MBP: variants seen among roughly 807,000 people sequenced by gnomAD.
MBP encodes Golli-MBP.
A neutral mutation model predicts 35.8 loss-of-function variants in MBP; 16 were observed. That is an observed-to-expected ratio of 0.45 (90% CI 0.30 to 0.68). The LOEUF is 0.68. Ranked by LOEUF, MBP falls within the 30% of genes least tolerant of loss-of-function variation. The probability of loss-of-function intolerance (pLI) is 0.08; values close to 1 mark genes in which losing one functional copy is unlikely to be tolerated. For missense variants in MBP, 380 were observed against 404.7 expected (o/e 0.94, Z 0.52); for synonymous variants, 143 against 159.6 (o/e 0.90, Z 0.78).
intron 4 of MBP, chr18:76,991,062 T>A: frequency 5.8e-6 from 1 of 172,436 alleles, no homozygotes; most frequent in Non-Finnish European, 1.3e-5. Context: ...GCTCGGGAAA[T>A]ACACACAGAA....
intron 3 of MBP, 59 bp downstream of exon 3, chr18:77,066,239 G>A (rs1199807020): frequency 4.8e-6 from 6 of 1,251,312 alleles, no homozygotes; most frequent in Admixed American, 1.8e-5. Flanking sequence ...CCCCGAGTGA[G>A]AGTGCAGGTG....
chr18:77,081,038 T>C (rs545332824), intron 2 of MBP, among the ~76,000 whole-genome samples: 108 of 152,318 alleles, frequency 7.1e-4, no homozygotes, highest in African/African-American at 2.5e-3. Context: ...AAATGATCCC[T>C]GAAAGTATAG....
intron 2 of MBP, among the ~76,000 whole-genome samples, chr18:77,084,959 GGA>G (rs56132737): frequency 3.3e-5 from 5 of 150,834 alleles, no homozygotes. Context: ...GGGGGAGGGG[GGA>G]GAGAGAGAGA....
chr18:77,013,477 G>A (rs1971459478), intron 4 of MBP: 2 of 985,092 alleles, frequency 2.0e-6, no homozygotes, highest in African/African-American at 1.7e-5. Context: ...ACTAAAATAT[G>A]TTTAATGAAA....
Position 77,058,075 on chromosome 18 carries a change from G to A in MBP, c.139+8223C>T, listed in dbSNP as rs1483314852. ...TGTCGATCTCCTGACCTCGTGTTCCGCCCGCCTCGGCCTCCCAAAGTGCTG... is the reference window on the plus strand; with the variant it reads ...TGTCGATCTCCTGACCTCGTGTTCCACCCGCCTCGGCCTCCCAAAGTGCTG... On this transcript the variant is annotated intron_variant, in intron 3 of 8. Transcript: ENST00000355994. Among the ~76,000 whole-genome samples, 3 of 17,876 alleles carry A rather than the reference G, an allele frequency of 1.7e-4. 1 individual carries two copies. Among genetic ancestry groups the A allele is most frequent in the Non-Finnish European group, 2.7e-4 (3 of 11,032 alleles). 11.7% of individuals were successfully genotyped at this position (17,876 alleles called of 152,430 possible).
At chr18:77,095,255 A>G (rs1299437001) in intron 2 of MBP, 1 of 152,226 alleles carries the variant, frequency 6.6e-6, no homozygotes, top group Non-Finnish European at 1.5e-5. Flanking sequence ...GTCAGGTGAG[A>G]TCAGTGAGTG....
intron 1 of MBP, among the ~76,000 whole-genome samples, chr18:77,129,136 A>C (rs1479286855): frequency 1.3e-5 from 2 of 152,202 alleles, no homozygotes; most frequent in Non-Finnish European, 2.9e-5. Context: ...ACATTTTAGA[A>C]CTGTTTCTGT....
Position 76,987,031 on chromosome 18 carries a change from GA to G in MBP, c.750+1463del, listed in dbSNP as rs1367204884. 269 of 985,346 alleles carry G rather than the reference GA, an allele frequency of 2.7e-4. 2 individuals are homozygous for G. Among genetic ancestry groups the G allele is most frequent in the Non-Finnish European group, 8.7e-5 (72 of 829,918 alleles). 61.0% of individuals were successfully genotyped at this position (985,346 alleles called of 1,614,324 possible). On this transcript the variant is annotated intron_variant, in intron 7 of 8. Transcript: ENST00000355994. ...AAATGCAGAGAAGGATTTTGCTTTG[GA>G]AAAAAGAGAAATTCAACAGACATTA...
At chr18:77,001,394 C>T (rs949030571) in intron 4 of MBP, among the ~76,000 whole-genome samples, 8 of 152,250 alleles carry the variant, frequency 5.3e-5, no homozygotes, top group East Asian at 3.8e-4. Context: ...CCAGCCACTC[C>T]GCAGCAGTCC....
intron 3 of MBP, 136 bp from the exon 4 acceptor site, chr18:77,017,404 G>T: frequency 1.4e-6 from 1 of 727,422 alleles, no homozygotes; most frequent in Non-Finnish European, 2.0e-6. Flanking sequence ...TAAAGCCCTT[G>T]GCCTAGGATG....
At chr18:77,064,573 G>A (rs2144792284) in intron 3 of MBP, among the ~76,000 whole-genome samples, 1 of 152,304 alleles carries the variant, frequency 6.6e-6, no homozygotes, top group Non-Finnish European at 1.5e-5. Flanking sequence ...ACAGTCGGTA[G>A]CACTAAATCT....
chr18:77,075,476 C>G (rs1241888964), intron 2 of MBP, among the ~76,000 whole-genome samples: 1 of 152,220 alleles, frequency 6.6e-6, no homozygotes, highest in Non-Finnish European at 1.5e-5. Context: ...TCCTCTGTCC[C>G]CTCCAGGAGC....
In MBP at chr18:76,988,380, G is replaced by C. The variant is rs753878418; in HGVS notation, c.750+115C>G. The C allele has an allele frequency of 7.4e-6, 12 of 1,613,348 alleles. No homozygotes were observed. Among genetic ancestry groups the C allele is most frequent in the African/African-American group, 1.3e-5 (1 of 74,902 alleles). On this transcript the variant is annotated intron_variant, in intron 7 of 8. Transcript: ENST00000355994. This position sits in a 1 kb window ranked among gnomAD's most constrained non-coding sequence, Gnocchi z 5.2. ...TCCCAGCTGTGGGCAGAGAGGTCTC[G>C]AGAGGAGAGAAAAGGAGGCCAGGAA...
chr18:77,117,570 C>T (rs553523906), intron 1 of MBP, among the ~76,000 whole-genome samples: 3 of 152,134 alleles, frequency 2.0e-5, no homozygotes, highest in East Asian at 3.9e-4. Flanking sequence ...AGTTCCGTGG[C>T]TTGCCTGATA....
intron 4 of MBP, among the ~76,000 whole-genome samples, chr18:76,993,070 T>A (rs1336153495): frequency 3.9e-5 from 6 of 152,170 alleles, no homozygotes; most frequent in African/African-American, 7.2e-5. Context: ...GCTCGTGGCC[T>A]CCCCTGTGAC....
At chr18:77,032,251 C>T (rs1463099267) in intron 3 of MBP, among the ~76,000 whole-genome samples, 1 of 152,066 alleles carries the variant, frequency 6.6e-6, no homozygotes, top group African/African-American at 2.4e-5. Flanking sequence ...CCAGGGAGGG[C>T]AAAGGAAACA....
At chr18:77,012,106 G>A (rs951274146) in intron 4 of MBP, among the ~76,000 whole-genome samples, 14 of 152,248 alleles carry the variant, frequency 9.2e-5, no homozygotes, top group Non-Finnish European at 2.1e-4. Flanking sequence ...GGACATGAAA[G>A]GCAGGACCGC....
At chr18:77,104,701 G>A (rs539795931) in intron 2 of MBP, among the ~76,000 whole-genome samples, 52 of 152,212 alleles carry the variant, frequency 3.4e-4, no homozygotes, top group African/African-American at 1.2e-3. Context: ...AGAGAATGCA[G>A]TTTGGAAATA....
chr18:77,118,649 CA>C (rs1555732027), intron 1 of MBP, among the ~76,000 whole-genome samples: 1 of 63,874 alleles, frequency 1.6e-5, no homozygotes, highest in Non-Finnish European at 3.6e-5. Flanking sequence ...CTACACACCA[CA>C]CACACACACA....
Sources: allele counts gnomAD v4.1 joint callset (sites outside exome capture counted in the v4.1 genomes callset), GRCh38; gene constraint gnomAD v4.1.1; non-coding constraint Gnocchi (gnomAD v3.1); transcripts MANE v1.5; gene names NCBI Gene and HGNC (gene_info 2026-07-23, HGNC 2026-07-21).